DDAH1: variants seen among roughly 807,000 people sequenced by gnomAD.
DDAH1 encodes the protein dimethylarginine dimethylaminohydrolase 1.
Under a neutral mutation model 28.8 loss-of-function variants are expected in DDAH1, and 19 were observed. The ratio of observed to expected loss-of-function variants is 0.66; its 90% CI spans 0.46 to 0.97. The LOEUF (loss-of-function observed/expected upper bound fraction) is 0.97, where lower values mean the gene tolerates loss of function less well. Ranked by LOEUF, DDAH1 falls within the 50% of genes least tolerant of loss-of-function variation. The pLI, the probability that DDAH1 is intolerant of heterozygous loss-of-function variation, is 0.00. For missense variants in DDAH1, 326 were observed against 375.9 expected, an observed-to-expected ratio of 0.87 and a Z score of 1.10; for synonymous variants, 153 against 154.4, an observed-to-expected ratio of 0.99 and a Z score of 0.07.
chr1:85,323,893 C>T (rs1211813361), intron 5 of DDAH1, among the ~76,000 whole-genome samples: 2 of 148,114 alleles, frequency 1.4e-5, no homozygotes, highest in South Asian at 2.1e-4. Context: ...TTGCTCAGCC[C>T]AGGAATTTGA....
rs1304732668 is a variant in DDAH1, at chr1:85,427,766, CCT to C, written c.303+36975_303+36976del. ...GATAGAAAAACTTGCATTAGGAGCC[CCT>C]GATATTTGAGCATACATTTTTTTTT... On this transcript the variant is annotated intron_variant, in intron 1 of 5. Transcript: ENST00000284031. Among the ~76,000 whole-genome samples, 6 of 152,242 alleles carry C rather than the reference CCT, an allele frequency of 3.9e-5. No homozygotes were observed. In the East Asian group the frequency reaches 9.6e-4, roughly 24 times the overall value.
At chr1:85,414,778 T>C (rs909352872) in intron 1 of DDAH1, among the ~76,000 whole-genome samples, 25 of 151,994 alleles carry the variant, frequency 1.6e-4, no homozygotes, top group African/African-American at 6.0e-4. Context: ...GAGGAGAGAC[T>C]CAAAGACTGC....
At chr1:85,425,178 T>C (rs1410474155) in intron 1 of DDAH1, among the ~76,000 whole-genome samples, 4 of 152,174 alleles carry the variant, frequency 2.6e-5, no homozygotes, top group Admixed American at 6.5e-5. Context: ...TTCTTTCATG[T>C]TGAAACCAAA....
chr1:85,423,061 T>G (rs993260634), intron 1 of DDAH1, among the ~76,000 whole-genome samples: 2 of 152,198 alleles, frequency 1.3e-5, no homozygotes, highest in Non-Finnish European at 1.5e-5. Context: ...TTTTAATCCT[T>G]GTCAAAGATA....
intron 1 of DDAH1, among the ~76,000 whole-genome samples, chr1:85,364,030 T>G (rs1189594240): frequency 6.6e-6 from 1 of 151,616 alleles, no homozygotes; most frequent in East Asian, 1.9e-4. Flanking sequence ...GACAATAAAA[T>G]GGAATATTTG....
intron 1 of DDAH1, among the ~76,000 whole-genome samples, chr1:85,376,341 G>A (rs897997334): frequency 5.9e-5 from 9 of 152,114 alleles, no homozygotes; most frequent in African/African-American, 2.2e-4. Flanking sequence ...CTGATGAGTA[G>A]TTTATCCCCC....
chr1:85,386,795 T>A (rs1651285529), intron 1 of DDAH1, among the ~76,000 whole-genome samples: 1 of 152,192 alleles, frequency 6.6e-6, no homozygotes, highest in Non-Finnish European at 1.5e-5. Context: ...AGCTTCTGCC[T>A]GGGCACTCAA....
At chr1:85,530,191 G>A (rs866884593) in intron 1 of DDAH1, among the ~76,000 whole-genome samples, 37 of 152,240 alleles carry the variant, frequency 2.4e-4, no homozygotes, top group Middle Eastern at 3.4e-3. Flanking sequence ...AATTGCTATG[G>A]ACAGCATGGT....
At chr1:85,444,110 C>T (rs1023401544) in intron 1 of DDAH1, among the ~76,000 whole-genome samples, 6 of 152,190 alleles carry the variant, frequency 3.9e-5, no homozygotes, top group African/African-American at 1.4e-4. Flanking sequence ...AAAGGAAATG[C>T]TTCCAGTTTT....
intron 2 of DDAH1, 31 bp downstream of exon 2, chr1:85,358,717 T>G: frequency 1.4e-6 from 2 of 1,405,806 alleles, no homozygotes; most frequent in Non-Finnish European, 2.0e-6. Flanking sequence ...TTAAAAATAT[T>G]CTTGGATAGA....
At chr1:85,543,144 G>C (rs1658521345) in intron 1 of DDAH1, among the ~76,000 whole-genome samples, 1 of 152,150 alleles carries the variant, frequency 6.6e-6, no homozygotes, top group Non-Finnish European at 1.5e-5. Context: ...TGTTCACAAG[G>C]AGCCAGGAGG....
chr1:85,489,933 A>G (rs1283187319), intron 2 of DDAH1, among the ~76,000 whole-genome samples: 2 of 152,088 alleles, frequency 1.3e-5, no homozygotes. Context: ...GAAGAAAGAC[A>G]GGATTATGAT....
chr1:85,371,022 G>T (rs2100885635), intron 1 of DDAH1, among the ~76,000 whole-genome samples: 1 of 152,284 alleles, frequency 6.6e-6, no homozygotes, highest in Admixed American at 6.5e-5. Context: ...GAGGAAACTT[G>T]CCTTGTCCAT....
chr1:85,458,787 T>C (rs1655008396), intron 1 of DDAH1, among the ~76,000 whole-genome samples: 1 of 152,208 alleles, frequency 6.6e-6, no homozygotes, highest in Admixed American at 6.5e-5. Context: ...TAAATATTTA[T>C]GGACAACCTG....
At chr1:85,416,284 CTCCCGGGT>C in intron 1 of DDAH1, among the ~76,000 whole-genome samples, 1 of 152,048 alleles carries the variant, frequency 6.6e-6, no homozygotes, top group East Asian at 1.9e-4. Context: ...CGGAGTCTCA[CTCCCGGGT>C]TCAAGCGATT....
In DDAH1 at chr1:85,318,752, C is replaced by G. The variant is rs915731730; in HGVS notation, c.*2700G>C. ...AATAATTACAAAGACTGACATGCAA[C>G]TCTTTACCTTACATTATTCATCTAC... On this transcript the variant is annotated 3_prime_UTR_variant, in exon 6 of 6. Transcript: ENST00000284031. 4.6e-5 allele frequency: 7 copies of G among 152,612 alleles called. No homozygotes were observed. Among genetic ancestry groups the G allele is most frequent in the African/African-American group, 1.7e-4 (7 of 41,452 alleles). 9.5% of individuals were successfully genotyped at this position (152,612 alleles called of 1,614,324 possible).
chr1:85,367,596 C>T (rs1650142552), intron 1 of DDAH1, among the ~76,000 whole-genome samples: 2 of 152,172 alleles, frequency 1.3e-5, no homozygotes, highest in African/African-American at 4.8e-5. Flanking sequence ...TCACCATATT[C>T]CTTAAGGTAC....
chr1:85,491,482 G>C (rs1266013340), intron 2 of DDAH1, among the ~76,000 whole-genome samples: 1 of 152,130 alleles, frequency 6.6e-6, no homozygotes. Context: ...ATAGTTGCTA[G>C]GATTCATGTT....
chr1:85,532,310 A>AT (rs1658117371), intron 1 of DDAH1, among the ~76,000 whole-genome samples: 1 of 150,252 alleles, frequency 6.7e-6, no homozygotes, highest in Non-Finnish European at 1.5e-5. Context: ...TATAAAGTGA[A>AT]TTTTTCCTCT....
Sources: gnomAD v4.1 joint callset for allele counts (sites outside exome capture counted in the v4.1 genomes callset) on GRCh38, gnomAD v4.1.1 for gene constraint, MANE v1.5 for transcripts, NCBI Gene and HGNC (gene_info 2026-07-23, HGNC 2026-07-21) for gene names.